The following GBP1 variants were observed in gnomAD, a reference collection of about 807,000 sequenced individuals.
GBP1 encodes the protein guanylate binding protein 1.
In GBP1, 64 loss-of-function variants were observed where a neutral mutation model predicts 69.5. The ratio of observed to expected loss-of-function variants is 0.92; its 90% CI spans 0.75 to 1.13. The LOEUF (loss-of-function observed/expected upper bound fraction) is 1.13, where lower values mean the gene tolerates loss of function less well. Among genes scored for constraint, GBP1 ranks in the 50% most tolerant of loss-of-function variants. The pLI is 0.00. For missense variants in GBP1, 630 were observed against 704.1 expected (o/e 0.89, Z 1.19); for synonymous variants, 250 against 261.2 (o/e 0.96, Z 0.41).
At position 89,054,714 on chromosome 1, in the gene GBP1, C is replaced by A. The variant is rs150057659; in HGVS notation, c.1633G>T (p.Glu545Ter). 104 of 1,614,094 alleles carry A rather than the reference C, an allele frequency of 6.4e-5. No individual in the cohort carries two copies. Among genetic ancestry groups the A allele is most frequent in the Non-Finnish European group, 8.1e-5 (95 of 1,180,030 alleles). The stretch of plus-strand genomic sequence containing the variant: ...TTAAGAGCGAGGGTCCTCTCTTGCT[C>A]TTTCAGCAACTGGACCCTGTCGTTC... ...MENDRVQLLK[E>*]QERTLALKLQ... Residue 545 changes from glutamate (E) to a stop codon, truncating the protein, a stop_gained, in exon 10 of 11, where the codon GAG becomes TAG. Coordinates refer to ENST00000370473, the MANE Select transcript of GBP1 (RefSeq NM_002053.3). LOFTEE classifies it high-confidence loss of function.
intron 5 of GBP1, 140 bp downstream of exon 5, chr1:89,058,701 T>C: frequency 1.3e-6 from 1 of 780,750 alleles, no homozygotes; most frequent in South Asian, 1.8e-5. Context: ...ATTTGGATAT[T>C]CAGCAAGTAT....
chr1:89,056,295 T>C (rs1680043885), intron 7 of GBP1, 67 bp from the exon 8 acceptor site: 4 of 1,611,482 alleles, frequency 2.5e-6, no homozygotes, highest in East Asian at 2.2e-5. Context: ...CTCAGAATTT[T>C]GGGAACGATT....
Position 89,053,325 on chromosome 1 carries a change from T to C in GBP1, c.*30A>G, listed in dbSNP as rs773002536. 6.5e-7 allele frequency: 1 copy of C among 1,538,924 alleles called. No individual in the cohort carries two copies. The highest frequency in any genetic ancestry group is 1.2e-5 in the South Asian group (1 of 83,750). ...TTCTAAAATTGTTTCAATTATGCCT[T>C]GGTTAGGGGTGACAGGAAGGCTCTG... On this transcript the variant is annotated 3_prime_UTR_variant, in exon 11 of 11. Coordinates refer to ENST00000370473, the MANE Select transcript of GBP1 (RefSeq NM_002053.3).
At chr1:89,064,152 G>T (rs1297443828) in intron 1 of GBP1, among the ~76,000 whole-genome samples, 2 of 150,988 alleles carry the variant, frequency 1.3e-5, no homozygotes, top group Non-Finnish European at 3.0e-5. Flanking sequence ...AAGAGAAATA[G>T]AAAGAGGAGG....
Position 89,063,093 on chromosome 1 carries a change from G to A in GBP1, c.142C>T (p.Arg48Cys), listed in dbSNP as rs370809506. ...TTCATCAGGTAGGATTTGCCTGTGC[G>A]GTAGAGGCCCACAATTGCCACCACC... Reference protein sequence around the residue: ...MVVVAIVGLYRTGKSYLMNKL... With the variant: ...MVVVAIVGLYCTGKSYLMNKL... Residue 48 changes from arginine to cysteine, a missense_variant, in exon 2 of 11, where the codon CGC becomes TGC. Around this residue, in one of 5 missense-constraint regions of GBP1, gnomAD observed 131 missense variants for 138.5 expected, o/e 0.95. Transcript: ENST00000370473. The A allele has an allele frequency of 1.1e-5, 18 of 1,613,908 alleles. No homozygotes were observed. Among genetic ancestry groups the A allele is most frequent in the Middle Eastern group, 1.6e-4 (1 of 6,082 alleles).
intron 5 of GBP1, 190 bp downstream of exon 5, chr1:89,058,651 C>A (rs1198760091): frequency 6.1e-6 from 4 of 659,962 alleles, no homozygotes; most frequent in Non-Finnish European, 1.0e-5. Flanking sequence ...GAAACTTGTT[C>A]TAGAACAATG....
intron 3 of GBP1, among the ~76,000 whole-genome samples, chr1:89,059,972 A>G: frequency 6.6e-6 from 1 of 152,242 alleles, no homozygotes; most frequent in South Asian, 2.1e-4. Context: ...TAGTGACAGA[A>G]TTTAAATTTA....
At chr1:89,053,831 A>C (rs1180206767) in intron 10 of GBP1, among the ~76,000 whole-genome samples, 1 of 152,182 alleles carries the variant, frequency 6.6e-6, no homozygotes, top group African/African-American at 2.4e-5. Flanking sequence ...CTCAAAACAA[A>C]CTGGGAGCAG....
At chr1:89,061,278 C>T (rs1419640260) in intron 2 of GBP1, among the ~76,000 whole-genome samples, 2 of 152,084 alleles carry the variant, frequency 1.3e-5, no homozygotes, top group Admixed American at 6.5e-5. Flanking sequence ...AGTTGTGAAA[C>T]GTATTACAAA....
intron 2 of GBP1, 30 bp from the exon 3 acceptor site, chr1:89,060,354 G>A (rs759490849): frequency 2.0e-6 from 3 of 1,513,798 alleles, no homozygotes; most frequent in East Asian, 4.9e-5. Context: ...CCAGCGATGG[G>A]GATTTAGTAA....
chr1:89,064,240 TGAGAGAGAGAGA>T lies in GBP1; in HGVS notation c.-20+908_-20+919del, dbSNP rs34743787. Among the ~76,000 whole-genome samples the T allele has an allele frequency of 9.3e-3, 931 of 100,046 alleles. 17 individuals carry two copies. Among genetic ancestry groups the T allele is most frequent in the African/African-American group, 0.036 (881 of 24,216 alleles). 65.6% of individuals were successfully genotyped at this position (100,046 alleles called of 152,430 possible). ...GTGTGTGTGTGTGTGTGTGTGTGTG[TGAGAGAGAGAGA>T]GAGAGAGAGAGAGAGAGAGAGAGGA... is the stretch of plus-strand genomic sequence containing the variant. On this transcript the variant is annotated intron_variant, in intron 1 of 10. Coordinates refer to ENST00000370473, the MANE Select transcript of GBP1 (RefSeq NM_002053.3).
chr1:89,057,057 C>G lies in GBP1; in HGVS notation c.952G>C (p.Ala318Pro). ...DLPCMENAVL[A>P]LAQIENSAAV... ...GCTGAGTTCTCTATCTGGGCCAAGG[C>G]CAGGACTGCGTTCTCCATGCACGGC... Residue 318 changes from alanine (A) to proline (P), a missense_variant, in exon 7 of 11, where the codon GCC becomes CCC. Physicochemically the swap from Ala to Pro is conservative, Grantham distance 27. Transcript: ENST00000370473. The G allele has an allele frequency of 6.2e-7, 1 of 1,614,226 alleles. No homozygotes were observed. The highest frequency in any genetic ancestry group is 8.5e-7 in the Non-Finnish European group (1 of 1,180,038).
intron 7 of GBP1, 83 bp downstream of exon 7, chr1:89,056,771 G>C (rs921269960): frequency 3.4e-6 from 5 of 1,453,926 alleles, no homozygotes; most frequent in Admixed American, 2.0e-5. Flanking sequence ...AATTACTTCC[G>C]TCAAAATAAA....
rs370290560 is a variant in GBP1 at position 89,056,004 on chromosome 1, A to G, written c.1368+12T>C. The stretch of plus-strand genomic sequence containing the variant: ...AGCAGCTTTCCATAATTGACAGATA[A>G]ATCTTGGTTACCTGTATCCCCTTCC... On this transcript the variant is annotated intron_variant, in intron 8 of 10. Transcript: ENST00000370473. 2.5e-6 allele frequency: 4 copies of G among 1,613,800 alleles called. No individual in the cohort carries two copies. The African/African-American group carries it at 5.3e-5, about 22-fold the overall frequency.
rs1379205694 is a variant in GBP1, at chr1:89,058,312, G to C, written c.632-78C>G. The C allele has an allele frequency of 6.4e-6, 8 of 1,240,700 alleles. No homozygotes were observed. In the African/African-American group the frequency reaches 1.2e-4, roughly 19 times the overall value. The allele number at this position is 1,240,700 out of a possible 1,614,324, so 76.9% of individuals were successfully genotyped here. ...AAGGGCCAAATAGTAAATATTTTAG[G>C]CTCTTCAGGCTGGATGGTCTCTTTT... is the stretch of plus-strand genomic sequence containing the variant. On this transcript the variant is annotated intron_variant, in intron 5 of 10. Transcript: ENST00000370473.
At position 89,063,184 on chromosome 1, in the gene GBP1, A is replaced by G. The variant is rs768066343; in HGVS notation, c.51T>C (p.Thr17=). Residue 17 remains threonine (T), a synonymous_variant, in exon 2 of 11, where the codon ACT becomes ACC. Coordinates refer to ENST00000370473, the MANE Select transcript of GBP1 (RefSeq NM_002053.3). ...MTGPMCLIEN[T]NGRLMANPEA... The stretch of plus-strand genomic sequence containing the variant: ...CTGGATTCGCCATCAGTCGCCCATT[A>G]GTGTTCTCAATGAGGCACATTGGGC... 3.7e-6 allele frequency: 6 copies of G among 1,614,126 alleles called. No homozygotes were observed. Among genetic ancestry groups the G allele is most frequent in the Non-Finnish European group, 5.1e-6 (6 of 1,179,968 alleles).
chr1:89,060,562 A>G (rs1285509916), intron 2 of GBP1, among the ~76,000 whole-genome samples: 1 of 151,818 alleles, frequency 6.6e-6, no homozygotes, highest in Non-Finnish European at 1.5e-5. Flanking sequence ...GCACCTCAAC[A>G]TAATAAATGC....
At chr1:89,060,370 A>G (rs1340843354) in intron 2 of GBP1, 46 bp from the exon 3 acceptor site, 2 of 1,480,590 alleles carry the variant, frequency 1.4e-6, no homozygotes, top group Non-Finnish European at 1.8e-6. Context: ...AGTAACAGGC[A>G]GTTCTGGCAA....
rs761662573 is a variant in GBP1 at position 89,058,889 on chromosome 1, G to T, written c.583C>A (p.Pro195Thr). Residue 195 changes from proline to threonine, a missense_variant, in exon 5 of 11, where the codon CCC becomes ACC. Around this residue, in one of 5 missense-constraint regions of GBP1, gnomAD observed 367 missense variants for 369.5 expected, o/e 0.99. Coordinates refer to ENST00000370473, the MANE Select transcript of GBP1 (RefSeq NM_002053.3). Reference sequence around the variant, plus strand: ...GTCAGGTACTCATCTGGTGTGAGGGGTTGTCCATCTGCTTCCAAGTCCAGG... The same window carrying T: ...GTCAGGTACTCATCTGGTGTGAGGGTTTGTCCATCTGCTTCCAAGTCCAGG... ...FSLDLEADGQ[P>T]LTPDEYLTYS... 3 of 1,614,166 alleles carry T rather than the reference G, an allele frequency of 1.9e-6. No individual in the cohort carries two copies. The highest frequency in any genetic ancestry group is 1.7e-6 in the Non-Finnish European group (2 of 1,180,026).
Sources: gnomAD v4.1 joint callset for allele counts (sites outside exome capture counted in the v4.1 genomes callset) on GRCh38, gnomAD v4.1.1 for gene constraint, gnomAD v4.1.1 regional missense constraint, MANE v1.5 for transcripts, NCBI Gene and HGNC (gene_info 2026-07-23, HGNC 2026-07-21) for gene names.